Variants in PRKCI observed in about 807,000 individuals in gnomAD.
The protein encoded by PRKCI is protein kinase C iota type.
PRKCI carries 43 observed loss-of-function variants against 84.0 expected under a neutral mutation model. The observed-to-expected ratio is 0.51, with a 90% CI of 0.40 to 0.66. The LOEUF (loss-of-function observed/expected upper bound fraction) is 0.66, where lower values mean the gene tolerates loss of function less well. Ranked by LOEUF, PRKCI falls within the 30% of genes least tolerant of loss-of-function variation. PRKCI has a pLI of 0.00. For synonymous variants in PRKCI, 216 were observed against 234.4 expected, an observed-to-expected ratio of 0.92 and a Z score of 0.72; for missense variants, 459 against 745.6, an observed-to-expected ratio of 0.62 and a Z score of 4.48.
intron 16 of PRKCI, among the ~76,000 whole-genome samples, chr3:170,297,816 A>G (rs1734723407): frequency 6.6e-6 from 1 of 151,866 alleles, no homozygotes; most frequent in Admixed American, 6.6e-5. Flanking sequence ...ACTTAAAACC[A>G]CTTTCTAAAC....
rs1000727244 is a variant in PRKCI, at chr3:170,281,494, A to C, written c.980+231A>C. The C allele has an allele frequency of 1.2e-5, 5 of 434,292 alleles. No homozygotes were observed. The Admixed American group carries it at 2.1e-4, about 18-fold the overall frequency. The allele number at this position is 434,292 out of a possible 1,614,324, so 26.9% of individuals were successfully genotyped here. Reference sequence around the variant, plus strand: ...AACAGGAAATAGCCATGTCGTAATTATGGCAGTAGAAATCCAACCTTTTAA... The same window carrying C: ...AACAGGAAATAGCCATGTCGTAATTCTGGCAGTAGAAATCCAACCTTTTAA... On this transcript the variant is annotated intron_variant, in intron 10 of 17. Transcript: ENST00000295797.
Position 170,304,075 on chromosome 3 carries a change from A to G in PRKCI, c.*948A>G, listed in dbSNP as rs138397245. On this transcript the variant is annotated 3_prime_UTR_variant, in exon 18 of 18. Transcript: ENST00000295797. Reference sequence around the variant, plus strand: ...CCAAATCATTAACTATTTTTGCAAAACTGGCACAAGTGGTTTTTCTTTTTA... The same window carrying G: ...CCAAATCATTAACTATTTTTGCAAAGCTGGCACAAGTGGTTTTTCTTTTTA... The G allele has an allele frequency of 6.6e-6, 1 of 152,480 alleles. No individual in the cohort carries two copies. Among genetic ancestry groups the G allele is most frequent in the African/African-American group, 2.4e-5 (1 of 41,566 alleles). 9.4% of individuals were successfully genotyped at this position (152,480 alleles called of 1,614,324 possible).
chr3:170,279,602 A>G (rs1047070445), intron 8 of PRKCI, among the ~76,000 whole-genome samples: 1 of 152,160 alleles, frequency 6.6e-6, no homozygotes, highest in Non-Finnish European at 1.5e-5. Context: ...TTTAAGGCTT[A>G]CTTTGTCGTC....
intron 8 of PRKCI, among the ~76,000 whole-genome samples, chr3:170,279,907 G>C (rs960045159): frequency 6.6e-6 from 1 of 152,130 alleles, no homozygotes; most frequent in Non-Finnish European, 1.5e-5. Context: ...CAAGGTTAAT[G>C]TGTTTTTTTA....
At chr3:170,223,971 G>C (rs1469726712) in intron 1 of PRKCI, among the ~76,000 whole-genome samples, 1 of 151,534 alleles carries the variant, frequency 6.6e-6, no homozygotes, top group Non-Finnish European at 1.5e-5. Flanking sequence ...CAATGTGCAG[G>C]TTAGTTACAT....
intron 6 of PRKCI, 101 bp downstream of exon 6, chr3:170,270,662 C>T: frequency 7.4e-7 from 1 of 1,344,340 alleles, no homozygotes; most frequent in Non-Finnish European, 9.9e-7. Context: ...GGAATTACAG[C>T]ACAACAGAGT....
At chr3:170,224,593 G>A (rs888394324) in intron 1 of PRKCI, among the ~76,000 whole-genome samples, 1 of 151,978 alleles carries the variant, frequency 6.6e-6, no homozygotes, top group Non-Finnish European at 1.5e-5. Context: ...GCACAATCTC[G>A]GCTCACTGCA....
At chr3:170,296,138 A>C in intron 15 of PRKCI, 148 bp downstream of exon 15, 1 of 431,980 alleles carries the variant, frequency 2.3e-6, no homozygotes. Flanking sequence ...TTACCCAAAG[A>C]GTAATTGACA....
intron 12 of PRKCI, 132 bp downstream of exon 12, chr3:170,284,728 A>G: frequency 9.0e-7 from 1 of 1,107,826 alleles, no homozygotes. Flanking sequence ...GAATTCTAGC[A>G]CAAAGACAAA....
intron 15 of PRKCI, among the ~76,000 whole-genome samples, 174 bp downstream of exon 15, chr3:170,296,164 ATAAG>A (rs1418680569): frequency 6.6e-6 from 1 of 152,206 alleles, no homozygotes; most frequent in East Asian, 1.9e-4. Flanking sequence ...AGATCCTGAG[ATAAG>A]TTAGTTGTCC....
chr3:170,275,170 G>GT (rs1289722549), intron 7 of PRKCI, 59 bp from the exon 8 acceptor site: 46 of 1,316,544 alleles, frequency 3.5e-5, no homozygotes, highest in Non-Finnish European at 4.5e-5. Context: ...AATGGTTGCT[G>GT]TTTTTTTCTC....
At chr3:170,245,069 C>T (rs982530168) in intron 2 of PRKCI, among the ~76,000 whole-genome samples, 1 of 151,530 alleles carries the variant, frequency 6.6e-6, no homozygotes, top group African/African-American at 2.4e-5. Flanking sequence ...CAGTTGTTCT[C>T]GGTGGGTCTG....
At position 170,235,347 on chromosome 3, in the gene PRKCI, G is replaced by A; in HGVS notation, c.219G>A (p.Glu73=). The A allele has an allele frequency of 6.2e-7, 1 of 1,613,938 alleles. No individual in the cohort carries two copies. The highest frequency in any genetic ancestry group is 8.5e-7 in the Non-Finnish European group (1 of 1,179,924). Residue 73 remains glutamate (E), a synonymous_variant, in exon 2 of 18, where the codon GAG becomes GAA. Transcript: ENST00000295797. ...EQLFTMKWID[E]EGDPCTVSSQ... ...TCTTCACCATGAAATGGATAGATGA[G>A]GAAGGTGAGTGGTAAAGACAGGGCT...
Position 170,268,016 on chromosome 3 carries a change from T to A in PRKCI, c.450+16T>A, listed in dbSNP as rs747911301. ...TTTCAACAGGGTAAACATAGTTTGT[T>A]GAATGTCGATAATGTGAAACAGCTA... On this transcript the variant is annotated intron_variant, in intron 5 of 17. Coordinates refer to ENST00000295797, the MANE Select transcript of PRKCI (RefSeq NM_002740.6). 5.7e-6 allele frequency: 9 copies of A among 1,585,094 alleles called. No homozygotes were observed. Among genetic ancestry groups the A allele is most frequent in the African/African-American group, 1.3e-5 (1 of 74,142 alleles).
intron 2 of PRKCI, among the ~76,000 whole-genome samples, chr3:170,241,876 T>G (rs942000112): frequency 6.6e-6 from 1 of 152,002 alleles, no homozygotes; most frequent in African/African-American, 2.4e-5. Flanking sequence ...ACCTGTAATC[T>G]CAGCACTTGG....
intron 1 of PRKCI, among the ~76,000 whole-genome samples, chr3:170,234,515 T>C (rs575925255): frequency 4.6e-5 from 7 of 152,198 alleles, no homozygotes; most frequent in Non-Finnish European, 1.0e-4. Context: ...TGATATCCAG[T>C]GTAACTAATT....
intron 1 of PRKCI, among the ~76,000 whole-genome samples, chr3:170,228,991 A>G (rs1732713342): frequency 6.6e-6 from 1 of 151,588 alleles, no homozygotes; most frequent in Non-Finnish European, 1.5e-5. Flanking sequence ...TTTGTTTCTG[A>G]TTTTTTTGAC....
chr3:170,264,893 A>G (rs1379420886), intron 4 of PRKCI, among the ~76,000 whole-genome samples: 1 of 152,034 alleles, frequency 6.6e-6, no homozygotes, highest in Non-Finnish European at 1.5e-5. Context: ...CTGAATAGAA[A>G]CTGCACTCCA....
At chr3:170,284,253 A>C (rs144778658) in intron 11 of PRKCI, among the ~76,000 whole-genome samples, 161 of 152,256 alleles carry the variant, frequency 1.1e-3, no homozygotes, top group African/African-American at 3.8e-3. Flanking sequence ...GCTTTATGAA[A>C]AATGTGAGTT....
Sources: allele counts gnomAD v4.1 joint callset (sites outside exome capture counted in the v4.1 genomes callset), GRCh38; gene constraint gnomAD v4.1.1; transcripts MANE v1.5; gene names NCBI Gene and HGNC (gene_info 2026-07-23, HGNC 2026-07-21).